NUMA1: variants seen among roughly 807,000 people sequenced by gnomAD.
The protein encoded by NUMA1 is nuclear mitotic apparatus protein 1.
A neutral mutation model predicts 237.1 loss-of-function variants in NUMA1; 62 were observed. The observed-to-expected ratio is 0.26, with a 90% CI of 0.21 to 0.32. The LOEUF (loss-of-function observed/expected upper bound fraction) is 0.32, where lower values mean the gene tolerates loss of function less well. Among genes scored for constraint, NUMA1 ranks in the 10% least tolerant of loss-of-function variants. The probability of loss-of-function intolerance (pLI) is 1.00; values close to 1 mark genes in which losing one functional copy is unlikely to be tolerated. For synonymous variants in NUMA1, 1,028 were observed against 1,066.1 expected, an observed-to-expected ratio of 0.96 and a Z score of 0.70; for missense variants, 2,533 against 2,666.5, an observed-to-expected ratio of 0.95 and a Z score of 1.10.
chr11:72,010,102 T>C (rs902473512), intron 17 of NUMA1, among the ~76,000 whole-genome samples: 1 of 152,194 alleles, frequency 6.6e-6, no homozygotes, highest in Non-Finnish European at 1.5e-5. Context: ...CATTTGTTTA[T>C]TGCAATCAAG....
chr11:72,007,560 T>A, intron 20 of NUMA1, 125 bp from the exon 21 acceptor site: 2 of 1,256,842 alleles, frequency 1.6e-6, no homozygotes, highest in East Asian at 5.1e-5. Context: ...CCCATCTCTC[T>A]GATTTTTCAG....
chr11:72,006,474 AT>A (rs1266217518), intron 21 of NUMA1, among the ~76,000 whole-genome samples: 4 of 152,084 alleles, frequency 2.6e-5, no homozygotes, highest in South Asian at 2.1e-4. Flanking sequence ...TCTTCTACGC[AT>A]TTTTTTCATG....
At chr11:72,035,501 G>C (rs990670685) in intron 3 of NUMA1, among the ~76,000 whole-genome samples, 1 of 150,460 alleles carries the variant, frequency 6.6e-6, no homozygotes, top group Non-Finnish European at 1.5e-5. Flanking sequence ...TCCGCCTCCC[G>C]GGTTCAAGTG....
chr11:72,015,460 C>A lies in NUMA1; in HGVS notation c.2043G>T (p.Arg681=), dbSNP rs1956461602. 3.7e-6 allele frequency: 6 copies of A among 1,612,246 alleles called. No individual in the cohort carries two copies. The highest frequency in any genetic ancestry group is 2.2e-5 in the East Asian group (1 of 44,894). Residue 681 remains arginine (R), a synonymous_variant, in exon 15 of 27, where the codon CGG becomes CGT. Transcript: ENST00000393695. This position sits in a 1 kb window ranked among gnomAD's most constrained non-coding sequence, Gnocchi z 4.0. ...AQVAELELQL[R]SEQQKATEKE... The stretch of plus-strand genomic sequence containing the variant: ...TCTCAGTTGCTTTTTGCTGCTCAGA[C>A]CGCAGCTGCAACTCTAGCTCTGCAA...
At position 72,035,926 on chromosome 11, in the gene NUMA1, G is replaced by T. The variant is rs1940972280; in HGVS notation, c.18C>A (p.Thr6=). MTLHA[T]RGAALLSWVN... is the part of the protein sequence containing the mutation. ...CCCAAGAGAGGAGTGCAGCCCCCCGGGTGGCGTGGAGTGTCATCTTGGTGA... is the reference window on the plus strand; with the variant it reads ...CCCAAGAGAGGAGTGCAGCCCCCCGTGTGGCGTGGAGTGTCATCTTGGTGA... Residue 6 remains threonine, a synonymous_variant, in exon 3 of 27, where the codon ACC becomes ACA. Transcript: ENST00000393695. 1 of 1,613,896 alleles carries T rather than the reference G, an allele frequency of 6.2e-7. No individual in the cohort carries two copies. Among genetic ancestry groups the T allele is most frequent in the African/African-American group, 1.3e-5 (1 of 74,906 alleles).
At chr11:72,022,314 G>C (rs766882934) in intron 7 of NUMA1, 25 bp downstream of exon 7, 2 of 1,536,954 alleles carry the variant, frequency 1.3e-6, no homozygotes, top group South Asian at 1.1e-5. Context: ...GGCCTGCTAG[G>C]TGGCATGGAG....
At chr11:72,050,668 C>G (rs1451251014) in intron 2 of NUMA1, 2 of 152,174 alleles carry the variant, frequency 1.3e-5, no homozygotes, top group African/African-American at 4.8e-5. Context: ...ATACCTGCCT[C>G]AAGGTCGACT....
chr11:72,046,292 C>A (rs1461572951), intron 2 of NUMA1, among the ~76,000 whole-genome samples: 1 of 152,218 alleles, frequency 6.6e-6, no homozygotes, highest in Non-Finnish European at 1.5e-5. Flanking sequence ...CGCCTGTAAT[C>A]CCAGCACTTT....
chr11:72,022,446 T>C lies in NUMA1; in HGVS notation c.292-27A>G, dbSNP rs754933336. On this transcript the variant is annotated intron_variant, in intron 6 of 26. Coordinates refer to ENST00000393695, the MANE Select transcript of NUMA1 (RefSeq NM_006185.4). ...TAGAAGCCAAACAGGAGGCAGTCAC[T>C]GAGTGGGGCTGTCTCTCTTCTCAGT... 8 of 1,482,372 alleles carry C rather than the reference T, an allele frequency of 5.4e-6. No individual in the cohort carries two copies. The East Asian group carries it at 1.6e-4, about 29-fold the overall frequency. The allele number at this position is 1,482,372 out of a possible 1,614,324, so 91.8% of individuals were successfully genotyped here. A position where few individuals can be genotyped will look rare whatever the true frequency, so the allele number is the denominator to read the frequency against.
At position 72,008,958 on chromosome 11, in the gene NUMA1, A is replaced by C; in HGVS notation, c.5058+9T>G. 3 of 1,613,750 alleles carry C rather than the reference A, an allele frequency of 1.9e-6. No individual in the cohort carries two copies. The highest frequency in any genetic ancestry group is 2.5e-6 in the Non-Finnish European group (3 of 1,179,868). On this transcript the variant is annotated intron_variant, in intron 19 of 26. Coordinates refer to ENST00000393695, the MANE Select transcript of NUMA1 (RefSeq NM_006185.4). The stretch of plus-strand genomic sequence containing the variant: ...AGGAGTGAGGTGAGTCTGCCAGCCA[A>C]ATTCTTACCTGTGCCTCCAGGCTGC...
In NUMA1 at chr11:72,072,711, A is replaced by G. The variant is rs55985525; in HGVS notation, c.-102-2800T>C. On this transcript the variant is annotated intron_variant, in intron 1 of 26. Coordinates refer to ENST00000393695, the MANE Select transcript of NUMA1 (RefSeq NM_006185.4). ...TCCTCCCCTCAATGAGACCCAAGAT[A>G]CTGGCCTTTCTAGACAGCTCCTCCT... Among the ~76,000 whole-genome samples the G allele has an allele frequency of 4.3e-3, 660 of 152,258 alleles. 11 individuals are homozygous for G. The highest frequency in any genetic ancestry group is 0.014 in the African/African-American group (595 of 41,544).
chr11:72,005,102 C>T (rs1224580539), intron 23 of NUMA1, 131 bp downstream of exon 23: 2 of 1,094,552 alleles, frequency 1.8e-6, no homozygotes, highest in African/African-American at 1.6e-5. Context: ...CACCTGGAAA[C>T]ATGAGAAGGT....
At position 72,015,771 on chromosome 11, in the gene NUMA1, T is replaced by C. The variant is rs1956486586; in HGVS notation, c.1732A>G (p.Arg578Gly). 1.2e-6 allele frequency: 2 copies of C among 1,614,234 alleles called. No homozygotes were observed. ...KEVAEKQEAT[R>G]QDHAQQLATA... Reference sequence around the variant, plus strand: ...GCCAGTTGCTGGGCATGGTCCTGCCTAGTTGCCTCCTGCTTCTCCGCTACC... The same window carrying C: ...GCCAGTTGCTGGGCATGGTCCTGCCCAGTTGCCTCCTGCTTCTCCGCTACC... The change falls in exon 15 of 27, where the codon AGG becomes GGG. Residue 578 changes from arginine (R) to glycine (G), a missense_variant. Coordinates refer to ENST00000393695, the MANE Select transcript of NUMA1 (RefSeq NM_006185.4). This position sits in a 1 kb window ranked among gnomAD's most constrained non-coding sequence, Gnocchi z 4.0.
At chr11:72,067,357 G>A (rs1285600988) in intron 2 of NUMA1, 13 of 152,142 alleles carry the variant, frequency 8.5e-5, no homozygotes, top group Admixed American at 6.6e-4. Context: ...TTTAAAAAAG[G>A]CTTGAAATTA....
intron 17 of NUMA1, among the ~76,000 whole-genome samples, chr11:72,009,726 A>G (rs1460346877): frequency 5.1e-5 from 1 of 19,500 alleles, no homozygotes; most frequent in African/African-American, 1.1e-4. Context: ...CCAGGTGCAG[A>G]GCCTTACTCT....
At position 72,006,075 on chromosome 11, in the gene NUMA1, A is replaced by C; in HGVS notation, c.5652T>G (p.Ala1884=). 6.2e-7 allele frequency: 1 copy of C among 1,613,962 alleles called. No homozygotes were observed. The highest frequency in any genetic ancestry group is 8.5e-7 in the Non-Finnish European group (1 of 1,179,908). ...PGYRPTTRSS[A]RRSQAGVSSG... The stretch of plus-strand genomic sequence containing the variant: ...TGGACACCCCGGCCTGGGAACGACG[A>C]GCAGAACTGCGAGTGGTGGGGCGGT... The change falls in exon 22 of 27, where the codon GCT becomes GCG. Residue 1884 remains alanine, a synonymous_variant. Transcript: ENST00000393695.
intron 2 of NUMA1, among the ~76,000 whole-genome samples, chr11:72,046,991 AAAAT>A (rs759052011): frequency 5.3e-5 from 8 of 152,064 alleles, no homozygotes; most frequent in Non-Finnish European, 1.0e-4. Flanking sequence ...ATTTTAAATT[AAAAT>A]AAATAAATAA....
intron 2 of NUMA1, chr11:72,068,185 G>C (rs574246931): frequency 6.1e-4 from 93 of 152,302 alleles, no homozygotes; most frequent in African/African-American, 2.0e-3. Context: ...ACTCTTTCTG[G>C]GGGTCTTCTG....
intron 2 of NUMA1, among the ~76,000 whole-genome samples, chr11:72,050,138 C>G (rs1233588908): frequency 6.6e-6 from 1 of 152,110 alleles, no homozygotes; most frequent in Non-Finnish European, 1.5e-5. Flanking sequence ...TGATTGGAGC[C>G]ACACTCGAGG....
Sources: gnomAD v4.1 joint callset for allele counts (sites outside exome capture counted in the v4.1 genomes callset) on GRCh38, gnomAD v4.1.1 for gene constraint, Gnocchi (gnomAD v3.1) non-coding constraint, MANE v1.5 for transcripts, NCBI Gene and HGNC (gene_info 2026-07-23, HGNC 2026-07-21) for gene names.